Variants in CDH13 observed in about 807,000 individuals in gnomAD.
CDH13 encodes cadherin-13.
CDH13 carries 24 observed loss-of-function variants against 63.8 expected under a neutral mutation model. That is an observed-to-expected ratio of 0.38 (90% confidence interval 0.27 to 0.53). The LOEUF is 0.53. Among genes scored for constraint, CDH13 ranks in the 20% least tolerant of loss-of-function variants. CDH13 has a pLI of 0.85. For synonymous variants in CDH13, 503 were observed against 355.3 expected (o/e 1.42, Z -4.67); for missense variants, 1,049 against 903.1 (o/e 1.16, Z -2.07).
rs142626992 is a variant in CDH13 at position 82,712,189 on chromosome 16, C to A, written c.45+85052C>A. Among the ~76,000 whole-genome samples the A allele has an allele frequency of 5.1e-3, 770 of 152,158 alleles. 6 individuals carry two copies. Among genetic ancestry groups the A allele is most frequent in the African/African-American group, 0.018 (738 of 41,520 alleles). On this transcript the variant is annotated intron_variant, in intron 1 of 13. Coordinates refer to ENST00000567109, the MANE Select transcript of CDH13 (RefSeq NM_001257.5). ...GACTTAACGCCATTATCTCGCATGA[C>A]CTTGATGAAGATAGTAACCCTCCCT... is the stretch of plus-strand genomic sequence containing the variant.
At chr16:82,908,833 C>G (rs1047948754) in intron 2 of CDH13, among the ~76,000 whole-genome samples, 1 of 152,192 alleles carries the variant, frequency 6.6e-6, no homozygotes, top group Non-Finnish European at 1.5e-5. Flanking sequence ...GACCCTTGAA[C>G]TACATGGGTT....
chr16:83,165,884 G>A (rs948542702), intron 4 of CDH13, among the ~76,000 whole-genome samples: 4 of 152,056 alleles, frequency 2.6e-5, no homozygotes, highest in Admixed American at 6.6e-5. Context: ...CAGCACAATC[G>A]CTCTGTAGGA....
intron 2 of CDH13, among the ~76,000 whole-genome samples, chr16:82,872,106 G>A (rs1030941648): frequency 1.5e-4 from 23 of 152,306 alleles, no homozygotes; most frequent in African/African-American, 5.5e-4. Flanking sequence ...CGTTCTAAGG[G>A]TATTGTGCTC....
intron 2 of CDH13, among the ~76,000 whole-genome samples, chr16:82,951,004 T>G (rs928282951): frequency 2.0e-5 from 3 of 152,172 alleles, no homozygotes; most frequent in Non-Finnish European, 4.4e-5. Flanking sequence ...TCACCATATT[T>G]CTGTGTCCTG....
Position 83,557,094 on chromosome 16 carries a change from T to A in CDH13, c.961-45360T>A, listed in dbSNP as rs567563814. 3.3e-5 allele frequency among the ~76,000 whole-genome samples: 5 copies of A among 152,302 alleles called. No individual in the cohort carries two copies. The East Asian group carries it at 9.7e-4, about 29-fold the overall frequency. ...CTCCCATTACTTCCTGAGCTCCTCCTCCTGTCAGATGAGTGGCAGCATTAG... is the reference window on the plus strand; with the variant it reads ...CTCCCATTACTTCCTGAGCTCCTCCACCTGTCAGATGAGTGGCAGCATTAG... On this transcript the variant is annotated intron_variant, in intron 7 of 13. Transcript: ENST00000567109.
chr16:82,641,306 G>A (rs1393943071), intron 1 of CDH13, among the ~76,000 whole-genome samples: 2 of 152,186 alleles, frequency 1.3e-5, no homozygotes, highest in South Asian at 2.1e-4. Flanking sequence ...AAGCATCATA[G>A]CAGAAAAAAT....
chr16:83,145,284 G>C (rs1266596743), intron 4 of CDH13, among the ~76,000 whole-genome samples: 1 of 152,200 alleles, frequency 6.6e-6, no homozygotes, highest in East Asian at 1.9e-4. Flanking sequence ...TGATCATTGA[G>C]GCTTGGGCAG....
intron 11 of CDH13, among the ~76,000 whole-genome samples, chr16:83,776,351 G>T (rs1004824337): frequency 6.6e-6 from 1 of 152,068 alleles, no homozygotes; most frequent in Non-Finnish European, 1.5e-5. Context: ...TTTCAGTAAA[G>T]AAATTTAACT....
chr16:83,172,434 T>G (rs2151730784), intron 4 of CDH13, among the ~76,000 whole-genome samples: 1 of 152,020 alleles, frequency 6.6e-6, no homozygotes, highest in East Asian at 1.9e-4. Flanking sequence ...GAGGTTGCAG[T>G]GAGCTGAGAT....
chr16:83,310,168 C>T (rs1481935871), intron 5 of CDH13, among the ~76,000 whole-genome samples: 5 of 152,080 alleles, frequency 3.3e-5, no homozygotes, highest in Non-Finnish European at 5.9e-5. Context: ...CACAGAGGGT[C>T]AATTAACAAG....
intron 1 of CDH13, among the ~76,000 whole-genome samples, chr16:82,719,762 C>T (rs190316665): frequency 2.0e-5 from 3 of 147,560 alleles, no homozygotes; most frequent in African/African-American, 7.5e-5. Context: ...AGGAGAATCA[C>T]TTAAACCTGG....
chr16:82,757,728 C>A (rs190212562), intron 1 of CDH13, among the ~76,000 whole-genome samples: 66 of 149,780 alleles, frequency 4.4e-4, no homozygotes, highest in African/African-American at 1.4e-3. Flanking sequence ...ACTGCAACCT[C>A]TGCAGCGGAT....
At chr16:83,062,685 A>G (rs2031667761) in intron 3 of CDH13, among the ~76,000 whole-genome samples, 1 of 152,214 alleles carries the variant, frequency 6.6e-6, no homozygotes, top group Non-Finnish European at 1.5e-5. Flanking sequence ...TCAGTTAGCT[A>G]TGGCTGTGTA....
intron 2 of CDH13, among the ~76,000 whole-genome samples, chr16:83,009,322 G>C (rs1425315807): frequency 6.6e-6 from 1 of 152,206 alleles, no homozygotes; most frequent in Non-Finnish European, 1.5e-5. Flanking sequence ...TCAGTAAGAG[G>C]TGTCTCTTTC....
At chr16:83,553,017 T>A (rs1249746867) in intron 7 of CDH13, among the ~76,000 whole-genome samples, 9 of 151,278 alleles carry the variant, frequency 5.9e-5, no homozygotes, top group Admixed American at 1.3e-4. Flanking sequence ...AGGCAGAGGT[T>A]GCAGTGAGCT....
intron 7 of CDH13, among the ~76,000 whole-genome samples, chr16:83,527,457 A>C (rs2074990711): frequency 6.6e-6 from 1 of 152,172 alleles, no homozygotes; most frequent in Non-Finnish European, 1.5e-5. Context: ...TCAAAAAAAA[A>C]AAAATTAAAA....
intron 5 of CDH13, among the ~76,000 whole-genome samples, chr16:83,312,923 A>G (rs923472424): frequency 2.6e-5 from 4 of 152,190 alleles, no homozygotes; most frequent in Non-Finnish European, 5.9e-5. Flanking sequence ...TTGCCTTGGT[A>G]TTAGATACAC....
rs74535547 is a variant in CDH13 at position 83,168,161 on chromosome 16, C to G, written c.483+42660C>G. Among the ~76,000 whole-genome samples, 99 of 151,938 alleles carry G rather than the reference C, an allele frequency of 6.5e-4. No homozygotes were observed. In the East Asian group the frequency reaches 0.018, roughly 27 times the overall value. ...AGCGCCACACAATATACCTAGGTAA[C>G]AAACCTGCACTTGTACCCGCTGAAT... On this transcript the variant is annotated intron_variant, in intron 4 of 13. Transcript: ENST00000567109.
intron 6 of CDH13, among the ~76,000 whole-genome samples, chr16:83,430,047 C>A (rs530040208): frequency 6.6e-6 from 1 of 152,170 alleles, no homozygotes. Flanking sequence ...GGTACAGACA[C>A]TATGGGACAC....
Sources: allele counts gnomAD v4.1 joint callset (sites outside exome capture counted in the v4.1 genomes callset), GRCh38; gene constraint gnomAD v4.1.1; transcripts MANE v1.5; gene names NCBI Gene and HGNC (gene_info 2026-07-23, HGNC 2026-07-21).